Variants in CHGB observed in about 807,000 individuals in gnomAD.
The protein encoded by CHGB is chromogranin B.
In CHGB, 46 loss-of-function variants were observed where a neutral mutation model predicts 69.9. The ratio of observed to expected loss-of-function variants is 0.66; its 90% CI spans 0.52 to 0.84. The LOEUF is 0.84. Among genes scored for constraint, CHGB ranks in the 40% least tolerant of loss-of-function variants. The pLI is 0.00. For missense variants in CHGB, 796 were observed against 822.2 expected (o/e 0.97, Z 0.39); for synonymous variants, 312 against 298.2 (o/e 1.05, Z -0.48).
chr20:5,923,865 A>T lies in CHGB; in HGVS notation c.1721A>T (p.Lys574Met). 6.2e-7 allele frequency: 1 copy of T among 1,614,206 alleles called. No homozygotes were observed. The highest frequency in any genetic ancestry group is 8.5e-7 in the Non-Finnish European group (1 of 1,180,028). Residue 574 changes from lysine to methionine, a missense_variant, in exon 4 of 5, where the codon AAG becomes ATG. By Grantham distance (95) the Lys-to-Met change is moderately conservative. This residue lies in a region of CHGB where 274 missense variants were observed against 298.9 expected (regional missense o/e 0.92). Coordinates refer to ENST00000378961, the MANE Select transcript of CHGB (RefSeq NM_001819.3). The stretch of plus-strand genomic sequence containing the variant: ...TACAACTATGACTGGTGGGAGAAAA[A>T]GCCCTTCTCTGAGGATGTGAACTGG... ...PEYNYDWWEK[K>M]PFSEDVNWGY...
Position 5,922,999 on chromosome 20 carries a change from C to T in CHGB, c.855C>T (p.His285=), listed in dbSNP as rs768550071. The stretch of plus-strand genomic sequence containing the variant: ...GACGCACGAGGCCCAGACACCACCA[C>T]GGGAGGAGCAGGCCCGACAGGTCCT... ...DKRRTRPRHH[H]GRSRPDRSSQ... is the part of the protein sequence containing the mutation. Residue 285 remains histidine, a synonymous_variant, in exon 4 of 5, where the codon CAC becomes CAT. Transcript: ENST00000378961. 1.1e-5 allele frequency: 17 copies of T among 1,610,520 alleles called. No homozygotes were observed. The highest frequency in any genetic ancestry group is 6.7e-5 in the African/African-American group (5 of 74,834).
chr20:5,922,884 A>G lies in CHGB; in HGVS notation c.740A>G (p.Glu247Gly), dbSNP rs757317897. The change falls in exon 4 of 5, where the codon GAG becomes GGG. Residue 247 changes from glutamate (E) to glycine (G), a missense_variant. Physicochemically the swap from Glu to Gly is moderately conservative, Grantham distance 98. Around this residue, in one of 3 missense-constraint regions of CHGB, gnomAD observed 518 missense variants for 506.3 expected, o/e 1.02. Transcript: ENST00000378961. The part of the protein sequence containing the change: ...QESGEETGSQ[E>G]NHPQESKGQP... ...AGTGGAGAGGAGACAGGGAGCCAGG[A>G]GAATCACCCCCAGGAGTCTAAAGGC... is the stretch of plus-strand genomic sequence containing the variant. 3.1e-6 allele frequency: 5 copies of G among 1,613,728 alleles called. No individual in the cohort carries two copies. The African/African-American group carries it at 6.7e-5, about 22-fold the overall frequency.
chr20:5,919,948 G>A (rs950673614), intron 3 of CHGB, among the ~76,000 whole-genome samples: 2 of 152,230 alleles, frequency 1.3e-5, no homozygotes, highest in African/African-American at 2.4e-5. Flanking sequence ...CAGGGAAGAC[G>A]TAGTCTAATT....
Position 5,923,811 on chromosome 20 carries a change from C to A in CHGB, c.1667C>A (p.Thr556Asn), listed in dbSNP as rs771816330. The change falls in exon 4 of 5, where the codon ACC (threonine) becomes AAC (asparagine). Residue 556 changes from threonine to asparagine, a missense_variant. Thr to Asn is a moderately conservative substitution (Grantham distance 65, BLOSUM62 0). Around this residue, in one of 3 missense-constraint regions of CHGB, gnomAD observed 274 missense variants for 298.9 expected, o/e 0.92. Transcript: ENST00000378961. ...FLEGEEENEL[T>N]LNEKNFFPEY... ...GAGGGTGAGGAGGAAAATGAGCTGACCTTGAACGAGAAGAATTTCTTCCCA... is the reference window on the plus strand; with the variant it reads ...GAGGGTGAGGAGGAAAATGAGCTGAACTTGAACGAGAAGAATTTCTTCCCA... 6.2e-7 allele frequency: 1 copy of A among 1,614,118 alleles called. No individual in the cohort carries two copies. The highest frequency in any genetic ancestry group is 1.7e-5 in the Admixed American group (1 of 60,026).
In CHGB at chr20:5,923,576, G is replaced by A. The variant is rs774344332; in HGVS notation, c.1432G>A (p.Gly478Arg). The A allele has an allele frequency of 2.5e-6, 4 of 1,614,032 alleles. No homozygotes were observed. The African/African-American group carries it at 5.3e-5, about 22-fold the overall frequency. Residue 478 changes from glycine to arginine, a missense_variant, in exon 4 of 5, where the codon GGA becomes AGA. This residue lies in a region of CHGB where 274 missense variants were observed against 298.9 expected (regional missense o/e 0.92). Coordinates refer to ENST00000378961, the MANE Select transcript of CHGB (RefSeq NM_001819.3). ...DRNYLNYGEEGAPGKWQQQGD... is the reference protein window; with the variant it reads ...DRNYLNYGEERAPGKWQQQGD... ...AAATTATCTCAACTACGGTGAGGAA[G>A]GAGCCCCAGGGAAGTGGCAGCAGCA...
At chr20:5,919,187 A>ATGCC (rs918450098) in intron 3 of CHGB, among the ~76,000 whole-genome samples, 21 of 152,344 alleles carry the variant, frequency 1.4e-4, no homozygotes, top group African/African-American at 5.0e-4. Context: ...AAAGTTGCCT[A>ATGCC]TGCCTGCCTG....
At chr20:5,920,359 C>G (rs1387122503) in intron 3 of CHGB, among the ~76,000 whole-genome samples, 1 of 152,184 alleles carries the variant, frequency 6.6e-6, no homozygotes, top group Non-Finnish European at 1.5e-5. Flanking sequence ...ATCTGTCTGT[C>G]TTAGTCAGCT....
intron 3 of CHGB, among the ~76,000 whole-genome samples, chr20:5,920,195 T>G (rs1332551843): frequency 6.6e-6 from 1 of 152,182 alleles, no homozygotes; most frequent in Non-Finnish European, 1.5e-5. Flanking sequence ...GCAGTACATA[T>G]TTAATTGGGA....
At chr20:5,916,254 T>C (rs2088474805) in intron 1 of CHGB, 72 bp from the exon 2 acceptor site, 1 of 1,183,104 alleles carries the variant, frequency 8.5e-7, no homozygotes, top group Non-Finnish European at 1.2e-6. Flanking sequence ...TGTGGGGTGA[T>C]TTTGTCAGTT....
rs372055186 is a variant in CHGB at position 5,916,389 on chromosome 20, A to G, written c.96+17A>G. ...GAAGGAATGGTAAGTTGCAATGTCA[A>G]TCTTAGAATCTAGACTTGTGTCTAG... On this transcript the variant is annotated intron_variant, in intron 2 of 4. Coordinates refer to ENST00000378961, the MANE Select transcript of CHGB (RefSeq NM_001819.3). 1.0e-5 allele frequency: 16 copies of G among 1,604,264 alleles called. No individual in the cohort carries two copies. The highest frequency in any genetic ancestry group is 3.3e-4 in the Middle Eastern group (2 of 6,072).
chr20:5,923,248 A>G lies in CHGB; in HGVS notation c.1104A>G (p.Glu368=), dbSNP rs236153. Residue 368 remains glutamate (E), a synonymous_variant, in exon 4 of 5, where the codon GAA becomes GAG. Coordinates refer to ENST00000378961, the MANE Select transcript of CHGB (RefSeq NM_001819.3). ...AGCGCTATAGGGGCAGAGGAAGTGA[A>G]GAATACAGGGCTCCAAGACCTCAGA... ...EWERYRGRGS[E]EYRAPRPQSE... is the part of the protein sequence containing the mutation. The G allele has an allele frequency of 0.4, 647,554 of 1,613,492 alleles. 135,307 individuals carry two copies. Among genetic ancestry groups the G allele is most frequent in the African/African-American group, 0.63 (46,917 of 74,894 alleles).
At position 5,922,562 on chromosome 20, in the gene CHGB, A is replaced by G; in HGVS notation, c.418A>G (p.Ser140Gly). ...AGAGCGAGCGGATGAGCCCCAGTGG[A>G]GCCTCTATCCCTCCGACAGCCAAGT... Reference protein sequence around the residue: ...SRERADEPQWSLYPSDSQVSE... With the variant: ...SRERADEPQWGLYPSDSQVSE... The change falls in exon 4 of 5, where the codon AGC becomes GGC. Residue 140 changes from serine (S) to glycine (G), a missense_variant. By Grantham distance (56) the Ser-to-Gly change is moderately conservative. Transcript: ENST00000378961. The G allele has an allele frequency of 6.2e-7, 1 of 1,613,780 alleles. No individual in the cohort carries two copies. Among genetic ancestry groups the G allele is most frequent in the Non-Finnish European group, 8.5e-7 (1 of 1,179,808 alleles).
Position 5,923,988 on chromosome 20 carries a change from A to G in CHGB, c.1844A>G (p.Lys615Arg), listed in dbSNP as rs1299897337. 1.2e-6 allele frequency: 2 copies of G among 1,613,976 alleles called. No homozygotes were observed. The highest frequency in any genetic ancestry group is 1.3e-5 in the African/African-American group (1 of 74,920). The change falls in exon 4 of 5, where the codon AAG (lysine) becomes AGG (arginine). Residue 615 changes from lysine (K) to arginine (R), a missense_variant. This residue lies in a region of CHGB where 274 missense variants were observed against 298.9 expected (regional missense o/e 0.92). Coordinates refer to ENST00000378961, the MANE Select transcript of CHGB (RefSeq NM_001819.3). Reference protein sequence around the residue: ...AQLDQLLHYRKKSAEFPDFYD... With the variant: ...AQLDQLLHYRRKSAEFPDFYD... The stretch of plus-strand genomic sequence containing the variant: ...CTGGACCAGCTCCTTCACTACAGGA[A>G]GAAGTCAGCTGAGTTTCCAGACTTC...
intron 4 of CHGB, among the ~76,000 whole-genome samples, 196 bp from the exon 5 acceptor site, chr20:5,924,776 C>T (rs2088540031): frequency 6.6e-6 from 1 of 152,180 alleles, no homozygotes; most frequent in Non-Finnish European, 1.5e-5. Context: ...CCAAGTGAGA[C>T]CCCAATATCT....
At chr20:5,918,148 TAAAA>T (rs10647882) in intron 3 of CHGB, among the ~76,000 whole-genome samples, 5,170 of 86,036 alleles carry the variant, frequency 0.06, 222 homozygotes, top group South Asian at 0.18. Context: ...AGACTCCATC[TAAAA>T]AAAAAAAAAA....
Position 5,923,068 on chromosome 20 carries a change from GGAGGAATCT to G in CHGB, c.930_938del (p.Glu312_Ser314del), listed in dbSNP as rs746712482. ...CCTCTGAGGAAAAGGGACACCCCCA[GGAGGAATCT>G]GAGGAGTCAAACGTCAGCATGGCCA... On this transcript the variant is annotated inframe_deletion, in exon 4 of 5. Coordinates refer to ENST00000378961, the MANE Select transcript of CHGB (RefSeq NM_001819.3). 5.6e-6 allele frequency: 9 copies of G among 1,614,042 alleles called. No individual in the cohort carries two copies. The South Asian group carries it at 9.9e-5, about 18-fold the overall frequency.
chr20:5,925,226 T>A lies in CHGB; in HGVS notation c.*177T>A, dbSNP rs2088543149. 1.0e-5 allele frequency: 5 copies of A among 500,552 alleles called. No homozygotes were observed. Among genetic ancestry groups the A allele is most frequent in the African/African-American group, 9.9e-5 (5 of 50,606 alleles). 31.0% of individuals were successfully genotyped at this position (500,552 alleles called of 1,614,324 possible). A position where few individuals can be genotyped will look rare whatever the true frequency, so the allele number is the denominator to read the frequency against. The stretch of plus-strand genomic sequence containing the variant: ...TTCTGTCAGAATGCTATTGAAAATG[T>A]GAATTGCATGACTTGTAGCATATTC... On this transcript the variant is annotated 3_prime_UTR_variant, in exon 5 of 5. Transcript: ENST00000378961.
chr20:5,920,243 C>T (rs2122573722), intron 3 of CHGB, among the ~76,000 whole-genome samples: 1 of 152,316 alleles, frequency 6.6e-6, no homozygotes, highest in South Asian at 2.1e-4. Context: ...ACTTAAGACT[C>T]ACAAACCAGT....
intron 1 of CHGB, chr20:5,914,582 G>T (rs758686478): frequency 3.3e-5 from 5 of 152,184 alleles, no homozygotes; most frequent in Non-Finnish European, 5.9e-5. Context: ...TTTTTTAAAA[G>T]TCATCTGATT....
Sources: gnomAD v4.1 joint callset for allele counts (sites outside exome capture counted in the v4.1 genomes callset) on GRCh38, gnomAD v4.1.1 for gene constraint, gnomAD v4.1.1 regional missense constraint, MANE v1.5 for transcripts, NCBI Gene and HGNC (gene_info 2026-07-23, HGNC 2026-07-21) for gene names.